CLHC1: variants seen among roughly 807,000 people sequenced by gnomAD.
CLHC1 encodes clathrin heavy chain linker domain containing 1.
In CLHC1, 72 loss-of-function variants were observed where a neutral mutation model predicts 69.5. The observed-to-expected ratio is 1.04, with a 90% CI of 0.86 to 1.26. The LOEUF is 1.26. CLHC1 is among the 50% of genes most tolerant of loss of function. The probability of loss-of-function intolerance (pLI) is 0.00; values close to 1 mark genes in which losing one functional copy is unlikely to be tolerated. For synonymous variants in CLHC1, 223 were observed against 224.3 expected (o/e 0.99, Z 0.05); for missense variants, 790 against 679.3 (o/e 1.16, Z -1.81).
chr2:55,186,386 T>C (rs1670414129), intron 9 of CLHC1, among the ~76,000 whole-genome samples: 1 of 152,142 alleles, frequency 6.6e-6, no homozygotes, highest in South Asian at 2.1e-4. Context: ...TGAGCATGAG[T>C]TAGGATACCC....
chr2:55,174,287 C>T lies in CLHC1; in HGVS notation c.*1503G>A, dbSNP rs1276627147. Among the ~76,000 whole-genome samples, 1 of 152,168 alleles carries T rather than the reference C, an allele frequency of 6.6e-6. No individual in the cohort carries two copies. Among genetic ancestry groups the T allele is most frequent in the Non-Finnish European group, 1.5e-5 (1 of 68,036 alleles). On this transcript the variant is annotated 3_prime_UTR_variant, in exon 13 of 13. Coordinates refer to ENST00000401408, the MANE Select transcript of CLHC1 (RefSeq NM_152385.4). ...TAGCACCAAATGGAAAAATTAAAAACTCAGCTTGAATGCTTCTGAATTTAT... is the reference window on the plus strand; with the variant it reads ...TAGCACCAAATGGAAAAATTAAAAATTCAGCTTGAATGCTTCTGAATTTAT...
chr2:55,230,287 G>A (rs772596184), intron 1 of CLHC1, among the ~76,000 whole-genome samples: 4 of 152,214 alleles, frequency 2.6e-5, no homozygotes, highest in Non-Finnish European at 4.4e-5. Context: ...TAGATAAGAT[G>A]TGGGATATAA....
intron 2 of CLHC1, chr2:55,225,431 G>T: frequency 6.6e-6 from 1 of 152,320 alleles, no homozygotes; most frequent in Non-Finnish European, 1.5e-5. Context: ...TTTGAAAAAG[G>T]AATCTTCCAC....
chr2:55,184,622 T>C (rs574201810), intron 9 of CLHC1, among the ~76,000 whole-genome samples: 2 of 152,094 alleles, frequency 1.3e-5, no homozygotes, highest in African/African-American at 2.4e-5. Context: ...GAAAGATTTC[T>C]TAGGCCAGGC....
intron 10 of CLHC1, among the ~76,000 whole-genome samples, chr2:55,180,920 G>T (rs1669875233): frequency 6.6e-6 from 1 of 152,048 alleles, no homozygotes; most frequent in African/African-American, 2.4e-5. Flanking sequence ...TGAAAATAAA[G>T]TTATTTGGAA....
chr2:55,201,367 G>A lies in CLHC1; in HGVS notation c.1006+4903C>T, dbSNP rs543598866. On this transcript the variant is annotated intron_variant, in intron 9 of 12. Coordinates refer to ENST00000401408, the MANE Select transcript of CLHC1 (RefSeq NM_152385.4). Reference sequence around the variant, plus strand: ...ACCAATACCACAGAAATTCAAAGGAGCCTTATAGGTTACTATGAGCAACTA... The same window carrying A: ...ACCAATACCACAGAAATTCAAAGGAACCTTATAGGTTACTATGAGCAACTA... Among the ~76,000 whole-genome samples the A allele has an allele frequency of 3.7e-4, 56 of 152,042 alleles. 1 individual carries two copies. The South Asian group carries it at 0.011, about 30-fold the overall frequency.
intron 9 of CLHC1, among the ~76,000 whole-genome samples, chr2:55,205,239 T>C (rs1206574767): frequency 6.6e-6 from 1 of 152,136 alleles, no homozygotes; most frequent in African/African-American, 2.4e-5. Flanking sequence ...AGAACTACCA[T>C]TCAATCCAGC....
rs142107911 is a variant in CLHC1 at position 55,180,252 on chromosome 2, G to A, written c.1384+258C>T. On this transcript the variant is annotated intron_variant, in intron 11 of 12. Transcript: ENST00000401408. ...ATCTGCTAAATCTATCTTTAAAACT[G>A]TATATTTCCAGGACTATCTGGCTTA... Among the ~76,000 whole-genome samples the A allele has an allele frequency of 3.7e-3, 561 of 152,058 alleles. 3 individuals are homozygous for A. The highest frequency in any genetic ancestry group is 0.031 in the Middle Eastern group (9 of 294).
chr2:55,219,618 C>A (rs2104033044), intron 3 of CLHC1, among the ~76,000 whole-genome samples: 1 of 152,134 alleles, frequency 6.6e-6, no homozygotes, highest in Admixed American at 6.6e-5. Context: ...ACCACAATCC[C>A]CACCATTCCT....
chr2:55,194,360 T>C (rs796895032), intron 9 of CLHC1, among the ~76,000 whole-genome samples: 1 of 152,296 alleles, frequency 6.6e-6, no homozygotes, highest in Non-Finnish European at 1.5e-5. Flanking sequence ...TATCCATTTC[T>C]GATCAAAGTT....
chr2:55,206,649 C>G (rs1394686575), intron 8 of CLHC1, among the ~76,000 whole-genome samples: 1 of 152,040 alleles, frequency 6.6e-6, no homozygotes, highest in African/African-American at 2.4e-5. Flanking sequence ...TCCTATAGCA[C>G]TTACAGCAAG....
chr2:55,209,955 T>C, intron 5 of CLHC1, 124 bp from the exon 6 acceptor site: 1 of 610,614 alleles, frequency 1.6e-6, no homozygotes, highest in South Asian at 2.1e-5. Flanking sequence ...AGTATGTACT[T>C]ATAGCTTACT....
rs748118892 is a variant in CLHC1, at chr2:55,217,936, G to A, written c.240C>T (p.Ala80=). 1.9e-6 allele frequency: 3 copies of A among 1,594,974 alleles called. No individual in the cohort carries two copies. In the South Asian group the frequency reaches 3.4e-5, roughly 18 times the overall value. ...ILTSIKKEYD[A]FIETIKKDRR... is the part of the protein sequence containing the mutation. ...GGTCTTTCTTTATTGTCTCAATAAA[G>A]GCATCATATTCTTTTTTGATTGAAG... Residue 80 remains alanine, a synonymous_variant, in exon 4 of 13, where the codon GCC becomes GCT. Transcript: ENST00000401408.
intron 11 of CLHC1, among the ~76,000 whole-genome samples, chr2:55,178,917 AATTATT>A (rs67704586): frequency 2.0e-4 from 29 of 144,386 alleles, no homozygotes; most frequent in African/African-American, 4.6e-4. Flanking sequence ...TTTTTTAAAA[AATTATT>A]ATTATTATTA....
intron 11 of CLHC1, among the ~76,000 whole-genome samples, chr2:55,178,335 A>C (rs1309035716): frequency 6.6e-6 from 1 of 152,254 alleles, no homozygotes; most frequent in Non-Finnish European, 1.5e-5. Flanking sequence ...TTAAGAAGCC[A>C]GTAGCTATTT....
At chr2:55,202,550 C>G (rs1672054453) in intron 9 of CLHC1, among the ~76,000 whole-genome samples, 1 of 140,176 alleles carries the variant, frequency 7.1e-6, no homozygotes, top group Admixed American at 7.2e-5. Context: ...GAGTGAGACT[C>G]TGTCTCAAAA....
intron 7 of CLHC1, among the ~76,000 whole-genome samples, 155 bp from the exon 8 acceptor site, chr2:55,208,865 C>CCTTTTTTTTTT (rs1553353361): frequency 1.1e-5 from 1 of 90,820 alleles, no homozygotes. Flanking sequence ...TCCCTTTCCT[C>CCTTTTTTTTTT]TTTTTTTTTT....
chr2:55,200,737 T>C (rs547802754), intron 9 of CLHC1, among the ~76,000 whole-genome samples: 42 of 152,292 alleles, frequency 2.8e-4, no homozygotes, highest in African/African-American at 9.4e-4. Flanking sequence ...ACATTCTTCT[T>C]CTTAGCACAT....
intron 1 of CLHC1, among the ~76,000 whole-genome samples, chr2:55,229,531 A>G (rs1227013056): frequency 6.6e-6 from 1 of 152,196 alleles, no homozygotes; most frequent in Non-Finnish European, 1.5e-5. Context: ...CTGCCAGATT[A>G]TGTAGCATGT....
Sources: gnomAD v4.1 joint callset for allele counts (sites outside exome capture counted in the v4.1 genomes callset) on GRCh38, gnomAD v4.1.1 for gene constraint, MANE v1.5 for transcripts, NCBI Gene and HGNC (gene_info 2026-07-23, HGNC 2026-07-21) for gene names.